LRFN5: variants seen among roughly 807,000 people sequenced by gnomAD.
LRFN5 encodes the protein leucine-rich repeat and fibronectin type-III domain-containing protein 5.
LRFN5 carries 24 observed loss-of-function variants against 45.6 expected under a neutral mutation model. That is an observed-to-expected ratio of 0.53 (90% confidence interval 0.38 to 0.74). LRFN5 has a LOEUF of 0.74. Among genes scored for constraint, LRFN5 ranks in the 30% least tolerant of loss-of-function variants. The probability of loss-of-function intolerance (pLI) is 0.00; values close to 1 mark genes in which losing one functional copy is unlikely to be tolerated. For synonymous variants in LRFN5, 340 were observed against 313.8 expected (o/e 1.08, Z -0.88); for missense variants, 776 against 861.5 (o/e 0.90, Z 1.24).
At chr14:41,790,844 T>C (rs1886894347) in intron 2 of LRFN5, among the ~76,000 whole-genome samples, 1 of 151,754 alleles carries the variant, frequency 6.6e-6, no homozygotes, top group Admixed American at 6.6e-5. Context: ...TTAAATAAGC[T>C]TTTAGCATAT....
At chr14:41,837,215 A>AAAAAAAAAC (rs1888693960) in intron 2 of LRFN5, among the ~76,000 whole-genome samples, 1 of 151,784 alleles carries the variant, frequency 6.6e-6, no homozygotes, top group African/African-American at 2.4e-5. Context: ...AAAAAAAAAA[A>AAAAAAAAAC]AAAGCTAGCG....
At chr14:41,781,651 A>AAGAAAG (rs1566437494) in intron 2 of LRFN5, among the ~76,000 whole-genome samples, 16 of 137,398 alleles carry the variant, frequency 1.2e-4, no homozygotes, top group African/African-American at 4.0e-4. Flanking sequence ...AAGAAAGAGA[A>AAGAAAG]AGAAAGAAAG....
chr14:41,756,118 T>C (rs1885366701), intron 1 of LRFN5, among the ~76,000 whole-genome samples: 1 of 152,174 alleles, frequency 6.6e-6, no homozygotes, highest in Non-Finnish European at 1.5e-5. Flanking sequence ...GCTTGTAGAG[T>C]ATCTGCCGAG....
At chr14:41,640,764 A>G (rs959211428) in intron 1 of LRFN5, among the ~76,000 whole-genome samples, 1 of 152,144 alleles carries the variant, frequency 6.6e-6, no homozygotes, top group Non-Finnish European at 1.5e-5. Context: ...CAAACAAATA[A>G]TATCTAGTTA....
intron 4 of LRFN5, chr14:41,895,083 G>T: frequency 1.0e-6 from 1 of 980,880 alleles, no homozygotes; most frequent in Non-Finnish European, 1.2e-6. Context: ...TTCCTGTTAT[G>T]CATGTATTAA....
At chr14:41,628,145 A>G (rs1888397612) in intron 1 of LRFN5, among the ~76,000 whole-genome samples, 1 of 152,182 alleles carries the variant, frequency 6.6e-6, no homozygotes, top group Non-Finnish European at 1.5e-5. Context: ...TAATCTGATC[A>G]TTCAGCAGTG....
chr14:41,903,477 C>G (rs1298297715), intron 5 of LRFN5, among the ~76,000 whole-genome samples: 1 of 151,200 alleles, frequency 6.6e-6, no homozygotes, highest in South Asian at 2.1e-4. Context: ...GAATAGACTT[C>G]ATTAGACATA....
At chr14:41,689,093 T>C (rs538927358) in intron 1 of LRFN5, among the ~76,000 whole-genome samples, 12 of 137,648 alleles carry the variant, frequency 8.7e-5, no homozygotes, top group African/African-American at 3.3e-4. Flanking sequence ...AGAACCCATC[T>C]CTAAAATAAT....
intron 1 of LRFN5, among the ~76,000 whole-genome samples, chr14:41,704,063 C>T (rs1882947645): frequency 6.6e-6 from 1 of 152,056 alleles, no homozygotes; most frequent in Non-Finnish European, 1.5e-5. Context: ...GATCATATCT[C>T]CACAAAAAGA....
intron 2 of LRFN5, among the ~76,000 whole-genome samples, chr14:41,801,354 C>G (rs551683337): frequency 1.1e-3 from 163 of 152,226 alleles, no homozygotes; most frequent in African/African-American, 3.6e-3. Flanking sequence ...CAATTAAAAT[C>G]TTGCATATTT....
intron 1 of LRFN5, among the ~76,000 whole-genome samples, chr14:41,734,577 C>G (rs1488356316): frequency 6.6e-6 from 1 of 150,400 alleles, no homozygotes; most frequent in Non-Finnish European, 1.5e-5. Context: ...TTCTTATAAG[C>G]AGTATACAAT....
chr14:41,782,147 T>A (rs1309253076), intron 2 of LRFN5, among the ~76,000 whole-genome samples: 1 of 151,964 alleles, frequency 6.6e-6, no homozygotes, highest in African/African-American at 2.4e-5. Context: ...CCTTCTGCTG[T>A]TCCAGACTTT....
intron 1 of LRFN5, among the ~76,000 whole-genome samples, chr14:41,660,289 G>A (rs1429913413): frequency 6.6e-6 from 1 of 152,082 alleles, no homozygotes; most frequent in African/African-American, 2.4e-5. Flanking sequence ...GCCTCCCAAA[G>A]TTCTGGGATT....
chr14:41,643,024 G>A (rs1402352052), intron 1 of LRFN5, among the ~76,000 whole-genome samples: 2 of 152,132 alleles, frequency 1.3e-5, no homozygotes, highest in African/African-American at 2.4e-5. Flanking sequence ...TACATAATCA[G>A]TGTGAGAGAG....
chr14:41,902,622 G>A lies in LRFN5; in HGVS notation c.2143-1536G>A, dbSNP rs952458269. Among the ~76,000 whole-genome samples the A allele has an allele frequency of 2.6e-5, 4 of 151,880 alleles. No homozygotes were observed. In the East Asian group the frequency reaches 7.7e-4, roughly 29 times the overall value. On this transcript the variant is annotated intron_variant, in intron 5 of 5. Transcript: ENST00000298119. Reference sequence around the variant, plus strand: ...ATGTGAAACTCTAGTAAATCTTTAAGATATGTCAGCTTACAAAATCATTAA... The same window carrying A: ...ATGTGAAACTCTAGTAAATCTTTAAAATATGTCAGCTTACAAAATCATTAA...
At chr14:41,761,216 G>T (rs1885649378) in intron 1 of LRFN5, among the ~76,000 whole-genome samples, 3 of 150,962 alleles carry the variant, frequency 2.0e-5, no homozygotes, top group African/African-American at 7.3e-5. Context: ...TGGACAAAAG[G>T]TTTAAGTATA....
intron 1 of LRFN5, among the ~76,000 whole-genome samples, chr14:41,620,500 G>A (rs1207696166): frequency 1.3e-5 from 2 of 151,980 alleles, no homozygotes; most frequent in Non-Finnish European, 2.9e-5. Flanking sequence ...GAAGAATTGA[G>A]GAGAGATGAG....
chr14:41,870,685 C>T (rs1043680786), intron 2 of LRFN5, among the ~76,000 whole-genome samples: 1 of 152,148 alleles, frequency 6.6e-6, no homozygotes, highest in African/African-American at 2.4e-5. Context: ...ATCAATAACT[C>T]TCTTTTTATT....
intron 2 of LRFN5, among the ~76,000 whole-genome samples, chr14:41,868,347 C>T (rs1889907148): frequency 6.6e-6 from 1 of 151,936 alleles, no homozygotes. Flanking sequence ...AAAAAGTTAC[C>T]GTATTGAGTA....
Sources: gnomAD v4.1 joint callset for allele counts (sites outside exome capture counted in the v4.1 genomes callset) on GRCh38, gnomAD v4.1.1 for gene constraint, MANE v1.5 for transcripts, NCBI Gene and HGNC (gene_info 2026-07-23, HGNC 2026-07-21) for gene names.